The following ANKRD12 variants were observed in gnomAD, a reference collection of about 807,000 sequenced individuals.
ANKRD12 encodes ankyrin repeat domain-containing protein 12.
ANKRD12 carries 85 observed loss-of-function variants against 183.4 expected under a neutral mutation model. That is an observed-to-expected ratio of 0.46 (90% confidence interval 0.39 to 0.56). The LOEUF is 0.56. Among genes scored for constraint, ANKRD12 ranks in the 20% least tolerant of loss-of-function variants. The probability of loss-of-function intolerance (pLI) is 0.00; values close to 1 mark genes in which losing one functional copy is unlikely to be tolerated. For synonymous variants in ANKRD12, 914 were observed against 800.2 expected, an observed-to-expected ratio of 1.14 and a Z score of -2.40; for missense variants, 2,405 against 2,357.1, an observed-to-expected ratio of 1.02 and a Z score of -0.42.
intron 1 of ANKRD12, among the ~76,000 whole-genome samples, chr18:9,161,232 A>G (rs1452529975): frequency 6.6e-6 from 1 of 152,130 alleles, no homozygotes; most frequent in Non-Finnish European, 1.5e-5. Flanking sequence ...TTAAAGAGTG[A>G]GTACTTATTG....
intron 1 of ANKRD12, among the ~76,000 whole-genome samples, chr18:9,151,023 A>G (rs1469696546): frequency 6.6e-6 from 1 of 152,210 alleles, no homozygotes; most frequent in South Asian, 2.1e-4. Context: ...TTTTGTGGGA[A>G]AATGTTATGG....
intron 1 of ANKRD12, among the ~76,000 whole-genome samples, chr18:9,171,278 G>A (rs1035126765): frequency 6.6e-6 from 1 of 152,164 alleles, no homozygotes; most frequent in Non-Finnish European, 1.5e-5. Flanking sequence ...GCTGATGCTG[G>A]GAGCTGTAGA....
At chr18:9,194,369 T>G (rs1316247188) in intron 2 of ANKRD12, among the ~76,000 whole-genome samples, 1 of 130,486 alleles carries the variant, frequency 7.7e-6, no homozygotes, top group South Asian at 2.5e-4. Context: ...ATTTATTTAT[T>G]TATTGAGACA....
Position 9,255,553 on chromosome 18 carries a change from TAGGG to T in ANKRD12, c.2290_2293del (p.Glu764LysfsTer3). 1 of 1,574,836 alleles carries T rather than the reference TAGGG, an allele frequency of 6.3e-7. No homozygotes were observed. Among genetic ancestry groups the T allele is most frequent in the Non-Finnish European group, 8.5e-7 (1 of 1,169,802 alleles). ...TTAAAAAGGAAAGCGAGAAATCTTT[TAGGG>T]AGGAAAAAATAAAAGATCTAAAAGA... On this transcript the variant is annotated frameshift_variant, in exon 9 of 13. Transcript: ENST00000262126. LOFTEE classifies it high-confidence loss of function.
At chr18:9,272,321 G>T (rs2039643834) in intron 10 of ANKRD12, among the ~76,000 whole-genome samples, 2 of 152,088 alleles carry the variant, frequency 1.3e-5, no homozygotes, top group Non-Finnish European at 2.9e-5. Flanking sequence ...CTAGCATTTT[G>T]GGAGGCTGAG....
In ANKRD12 at chr18:9,237,625, T is replaced by C. The variant is rs370142222; in HGVS notation, c.943+15626T>C. Among the ~76,000 whole-genome samples the C allele has an allele frequency of 2.6e-5, 4 of 152,326 alleles. No individual in the cohort carries two copies. In the East Asian group the frequency reaches 7.7e-4, roughly 29 times the overall value. ...TTGAAGACATTTTTATAAGGTATTG[T>C]TGAGTTCAAAAAATCAAGAATAGTT... is the stretch of plus-strand genomic sequence containing the variant. On this transcript the variant is annotated intron_variant, in intron 8 of 12. Transcript: ENST00000262126.
intron 9 of ANKRD12, among the ~76,000 whole-genome samples, chr18:9,262,242 C>T (rs1281803080): frequency 6.6e-6 from 1 of 152,116 alleles, no homozygotes; most frequent in Non-Finnish European, 1.5e-5. Context: ...GTGGAAAATA[C>T]CTGGTTGTCC....
At chr18:9,280,124 G>GT (rs1281696297) in intron 12 of ANKRD12, among the ~76,000 whole-genome samples, 1 of 152,134 alleles carries the variant, frequency 6.6e-6, no homozygotes, top group Non-Finnish European at 1.5e-5. Flanking sequence ...CCAGGGACCA[G>GT]TTTCGTGGAA....
At position 9,257,701 on chromosome 18, in the gene ANKRD12, T is replaced by G; in HGVS notation, c.4434T>G (p.Cys1478Trp). The G allele has an allele frequency of 1.9e-6, 3 of 1,614,098 alleles. No homozygotes were observed. Among genetic ancestry groups the G allele is most frequent in the Non-Finnish European group, 2.5e-6 (3 of 1,179,988 alleles). The change falls in exon 9 of 13, where the codon TGT becomes TGG. Residue 1478 changes from cysteine (C) to tryptophan (W), a missense_variant. Around this residue, in one of 7 missense-constraint regions of ANKRD12, gnomAD observed 1,983 missense variants for 1,725.9 expected, o/e 1.15. Coordinates refer to ENST00000262126, the MANE Select transcript of ANKRD12 (RefSeq NM_015208.5). ...AGACTGAACTGCCAGGAAACTCTTG[T>G]GCTCAGGATCCGGCATCCTTTATGC... ...LRQTELPGNS[C>W]AQDPASFMPP...
At chr18:9,150,702 A>G (rs1037913785) in intron 1 of ANKRD12, among the ~76,000 whole-genome samples, 1 of 151,924 alleles carries the variant, frequency 6.6e-6, no homozygotes, top group African/African-American at 2.4e-5. Context: ...TGCCCAGGCT[A>G]GAGTGCAGTG....
In ANKRD12 at chr18:9,224,405, C is replaced by T. The variant is rs116870325; in HGVS notation, c.943+2406C>T. 3.5e-3 allele frequency among the ~76,000 whole-genome samples: 533 copies of T among 151,272 alleles called. 15 individuals are homozygous for T. In the East Asian group the frequency reaches 0.085, roughly 24 times the overall value. The stretch of plus-strand genomic sequence containing the variant: ...AATGGTATAAAAGTAGAAACAGCTG[C>T]GGCTTTTTTTTTTAAGCCAGCAAAA... On this transcript the variant is annotated intron_variant, in intron 8 of 12. Coordinates refer to ENST00000262126, the MANE Select transcript of ANKRD12 (RefSeq NM_015208.5).
At chr18:9,220,283 C>G (rs1195242314) in intron 7 of ANKRD12, among the ~76,000 whole-genome samples, 1 of 152,018 alleles carries the variant, frequency 6.6e-6, no homozygotes, top group Non-Finnish European at 1.5e-5. Flanking sequence ...CCAGAAAACA[C>G]CATAGTTATG....
chr18:9,182,485 A>G lies in ANKRD12; in HGVS notation c.53A>G (p.Asp18Gly). ...ATTCAGAGTGAAAATTCTGACAGTG[A>G]CAGCAATATGGTAGAGAAACCATAT... ...KPIQSENSDS[D>G]SNMVEKPYGR... The change falls in exon 2 of 13, where the codon GAC becomes GGC. Residue 18 changes from aspartate to glycine, a missense_variant. Transcript: ENST00000262126. 3 of 1,611,138 alleles carry G rather than the reference A, an allele frequency of 1.9e-6. No individual in the cohort carries two copies. The highest frequency in any genetic ancestry group is 1.7e-6 in the Non-Finnish European group (2 of 1,178,414).
chr18:9,138,441 C>T (rs939974871), intron 1 of ANKRD12, among the ~76,000 whole-genome samples: 2 of 152,192 alleles, frequency 1.3e-5, no homozygotes, highest in Non-Finnish European at 2.9e-5. Flanking sequence ...TGAACCCGGG[C>T]GGCAGAGGTT....
At chr18:9,166,513 T>C in intron 1 of ANKRD12, among the ~76,000 whole-genome samples, 1 of 151,972 alleles carries the variant, frequency 6.6e-6, no homozygotes, top group African/African-American at 2.4e-5. Flanking sequence ...GCTGCATAAA[T>C]GTCTTCTTTT....
At chr18:9,174,667 T>C (rs1293311916) in intron 1 of ANKRD12, among the ~76,000 whole-genome samples, 1 of 152,212 alleles carries the variant, frequency 6.6e-6, no homozygotes, top group African/African-American at 2.4e-5. Context: ...TTTTTTGTTG[T>C]CTGTGGGTCA....
At chr18:9,223,550 A>G (rs528250223) in intron 8 of ANKRD12, among the ~76,000 whole-genome samples, 9 of 152,220 alleles carry the variant, frequency 5.9e-5, no homozygotes, top group Non-Finnish European at 1.3e-4. Context: ...GAAATAGTGC[A>G]TGACAAAAGA....
chr18:9,202,657 G>A lies in ANKRD12; in HGVS notation c.236-1819G>A, dbSNP rs143129311. The stretch of plus-strand genomic sequence containing the variant: ...CTCGCTACAAGGAACATATGTGGGA[G>A]AGAGAATGGCTCTGCTTAGCACTCA... On this transcript the variant is annotated intron_variant, in intron 3 of 12. Coordinates refer to ENST00000262126, the MANE Select transcript of ANKRD12 (RefSeq NM_015208.5). Among the ~76,000 whole-genome samples, 170 of 152,306 alleles carry A rather than the reference G, an allele frequency of 1.1e-3. 1 individual carries two copies. In the East Asian group the frequency reaches 0.031, roughly 28 times the overall value.
chr18:9,242,722 G>A (rs2037735067), intron 8 of ANKRD12, among the ~76,000 whole-genome samples: 1 of 152,120 alleles, frequency 6.6e-6, no homozygotes, highest in Non-Finnish European at 1.5e-5. Flanking sequence ...GTATGATTGA[G>A]GGGAGTACAG....
Sources: gnomAD v4.1 joint callset for allele counts (sites outside exome capture counted in the v4.1 genomes callset) on GRCh38, gnomAD v4.1.1 for gene constraint, gnomAD v4.1.1 regional missense constraint, MANE v1.5 for transcripts, NCBI Gene and HGNC (gene_info 2026-07-23, HGNC 2026-07-21) for gene names.